The following JAZF1 variants were observed in gnomAD, a reference collection of about 807,000 sequenced individuals.
JAZF1 encodes the protein juxtaposed with another zinc finger protein 1.
A neutral mutation model predicts 26.4 loss-of-function variants in JAZF1; 8 were observed. The observed-to-expected ratio is 0.30, with a 90% CI of 0.18 to 0.55. The LOEUF (loss-of-function observed/expected upper bound fraction) is 0.55. Ranked by LOEUF, JAZF1 falls within the 20% of genes least tolerant of loss-of-function variation. JAZF1 has a pLI of 0.94. For missense variants in JAZF1, 199 were observed against 322.0 expected (o/e 0.62, Z 2.92); for synonymous variants, 126 against 122.3 (o/e 1.03, Z -0.20).
intron 1 of JAZF1, among the ~76,000 whole-genome samples, chr7:28,069,817 G>A (rs147526405): frequency 3.5e-4 from 54 of 152,200 alleles, no homozygotes; most frequent in African/African-American, 9.9e-4. Flanking sequence ...GCGTTGAGCC[G>A]TGTTCTCAAA....
At chr7:27,886,629 C>T (rs1204592075) in intron 3 of JAZF1, among the ~76,000 whole-genome samples, 1 of 152,188 alleles carries the variant, frequency 6.6e-6, no homozygotes, top group African/African-American at 2.4e-5. Flanking sequence ...ATCATCTGTG[C>T]TAATGTAGCC....
chr7:28,088,941 G>C (rs1361460836), intron 1 of JAZF1, among the ~76,000 whole-genome samples: 2 of 152,074 alleles, frequency 1.3e-5, no homozygotes, highest in Admixed American at 6.6e-5. Flanking sequence ...CAAACTAGGA[G>C]GACACTGGAC....
intron 3 of JAZF1, among the ~76,000 whole-genome samples, chr7:27,877,951 C>A (rs953217717): frequency 1.3e-5 from 2 of 152,076 alleles, no homozygotes; most frequent in Non-Finnish European, 2.9e-5. Context: ...AAAGGGGGAC[C>A]ATCTACAAAA....
chr7:28,170,135 G>A (rs1437183325), intron 1 of JAZF1, among the ~76,000 whole-genome samples: 1 of 152,002 alleles, frequency 6.6e-6, no homozygotes, highest in African/African-American at 2.4e-5. Flanking sequence ...TTAAAATAAA[G>A]TACATGAGCT....
intron 1 of JAZF1, among the ~76,000 whole-genome samples, chr7:28,093,713 G>C (rs1784338547): frequency 6.6e-6 from 1 of 152,226 alleles, no homozygotes; most frequent in Non-Finnish European, 1.5e-5. Flanking sequence ...GAAATGAAGA[G>C]AGTGCCACAG....
intron 1 of JAZF1, among the ~76,000 whole-genome samples, chr7:27,994,467 A>T (rs1243358047): frequency 5.8e-5 from 4 of 68,664 alleles, no homozygotes; most frequent in Non-Finnish European, 1.5e-4. Flanking sequence ...AAAAACAAAA[A>T]AAAACACACA....
intron 1 of JAZF1, among the ~76,000 whole-genome samples, chr7:28,105,853 GC>G (rs1386574932): frequency 1.3e-5 from 2 of 152,226 alleles, no homozygotes; most frequent in African/African-American, 4.8e-5. Flanking sequence ...TGAGCACACA[GC>G]ATCTCATCCT....
At chr7:27,983,052 T>C (rs527290240) in intron 2 of JAZF1, among the ~76,000 whole-genome samples, 17 of 152,212 alleles carry the variant, frequency 1.1e-4, no homozygotes, top group East Asian at 5.8e-4. Context: ...TTCAAAGGAA[T>C]GCAGCTCCTT....
chr7:27,865,965 G>A (rs142331633), intron 3 of JAZF1, among the ~76,000 whole-genome samples: 1 of 152,262 alleles, frequency 6.6e-6, no homozygotes, highest in Non-Finnish European at 1.5e-5. Context: ...CAAGTCACTT[G>A]GGGCTGTTCT....
At chr7:28,155,555 C>G (rs1024134955) in intron 1 of JAZF1, among the ~76,000 whole-genome samples, 1 of 152,176 alleles carries the variant, frequency 6.6e-6, no homozygotes, top group African/African-American at 2.4e-5. Flanking sequence ...AATTTAGGAA[C>G]CTTTTACAGC....
At chr7:27,976,216 T>C (rs1469016872) in intron 2 of JAZF1, among the ~76,000 whole-genome samples, 1 of 151,808 alleles carries the variant, frequency 6.6e-6, no homozygotes, top group African/African-American at 2.4e-5. Flanking sequence ...CATGGTTGTG[T>C]GCGCCTGTAG....
intron 1 of JAZF1, among the ~76,000 whole-genome samples, chr7:28,150,800 T>G (rs961384467): frequency 6.6e-6 from 1 of 152,202 alleles, no homozygotes. Context: ...GCCTGACAAC[T>G]GAAGGAGACT....
chr7:27,898,929 T>C (rs1217188796), intron 2 of JAZF1, among the ~76,000 whole-genome samples: 1 of 152,006 alleles, frequency 6.6e-6, no homozygotes, highest in Non-Finnish European at 1.5e-5. Flanking sequence ...GCACAATTTG[T>C]TCTAGTGACA....
At chr7:28,115,534 T>C (rs186427581) in intron 1 of JAZF1, among the ~76,000 whole-genome samples, 113 of 152,268 alleles carry the variant, frequency 7.4e-4, no homozygotes, top group African/African-American at 2.7e-3. Flanking sequence ...TAGTCAACAG[T>C]ACCAACAAGA....
chr7:27,962,127 T>C (rs111262157), intron 2 of JAZF1, among the ~76,000 whole-genome samples: 1 of 152,232 alleles, frequency 6.6e-6, no homozygotes, highest in African/African-American at 2.4e-5. Flanking sequence ...AGAGTCTTCA[T>C]GTACAACAAC....
At chr7:28,019,558 C>T (rs1583512440) in intron 1 of JAZF1, among the ~76,000 whole-genome samples, 1 of 152,228 alleles carries the variant, frequency 6.6e-6, no homozygotes. Context: ...CCTCCAACCA[C>T]TTCATGGAAA....
chr7:27,910,627 C>T (rs1216584238), intron 2 of JAZF1, among the ~76,000 whole-genome samples: 3 of 152,192 alleles, frequency 2.0e-5, no homozygotes, highest in Non-Finnish European at 4.4e-5. Flanking sequence ...ACCTGATTAT[C>T]CCAAATCCCT....
Position 27,930,866 on chromosome 7 carries a change from A to T in JAZF1, c.189-35450T>A, listed in dbSNP as rs1046096298. Reference sequence around the variant, plus strand: ...AAAGGAAGAGATAAGTTGACAAAACAATATGCTAAATATAACACAGCCATC... The same window carrying T: ...AAAGGAAGAGATAAGTTGACAAAACTATATGCTAAATATAACACAGCCATC... On this transcript the variant is annotated intron_variant, in intron 2 of 4. Transcript: ENST00000283928. Among the ~76,000 whole-genome samples the T allele has an allele frequency of 1.3e-5, 2 of 152,192 alleles. 1 individual carries two copies. Among genetic ancestry groups the T allele is most frequent in the South Asian group, 4.1e-4 (2 of 4,832 alleles).
At chr7:27,929,003 C>T (rs1784641377) in intron 2 of JAZF1, among the ~76,000 whole-genome samples, 1 of 152,188 alleles carries the variant, frequency 6.6e-6, no homozygotes, top group African/African-American at 2.4e-5. Flanking sequence ...ATGGACGATG[C>T]TCACCTACAG....
Sources: gnomAD v4.1 joint callset for allele counts (sites outside exome capture counted in the v4.1 genomes callset) on GRCh38, gnomAD v4.1.1 for gene constraint, MANE v1.5 for transcripts, NCBI Gene and HGNC (gene_info 2026-07-23, HGNC 2026-07-21) for gene names.